Variants in GPM6A observed in about 807,000 individuals in gnomAD.
The protein encoded by GPM6A is neuronal membrane glycoprotein M6-a.
A neutral mutation model predicts 32.1 loss-of-function variants in GPM6A; 7 were observed. The ratio of observed to expected loss-of-function variants is 0.22; its 90% CI spans 0.12 to 0.41. The LOEUF is 0.41. Ranked by LOEUF, GPM6A falls within the 10% of genes least tolerant of loss-of-function variation. The pLI is 1.00. For synonymous variants in GPM6A, 130 were observed against 123.4 expected (o/e 1.05, Z -0.35); for missense variants, 235 against 347.2 (o/e 0.68, Z 2.57).
chr4:175,639,451 C>T (rs1444413407), intron 6 of GPM6A, among the ~76,000 whole-genome samples: 1 of 152,132 alleles, frequency 6.6e-6, no homozygotes, highest in Non-Finnish European at 1.5e-5. Context: ...GACTACTCAT[C>T]CTCAAGGATA....
At chr4:175,985,494 T>G (rs1277730589) in intron 1 of GPM6A, among the ~76,000 whole-genome samples, 1 of 152,208 alleles carries the variant, frequency 6.6e-6, no homozygotes, top group Non-Finnish European at 1.5e-5. Flanking sequence ...TATAGACAAG[T>G]GCATTGTCTT....
intron 1 of GPM6A, among the ~76,000 whole-genome samples, chr4:175,905,040 G>GA (rs147802281): frequency 0.045 from 6,805 of 151,984 alleles, 194 homozygotes; most frequent in Non-Finnish European, 0.067. Context: ...GTCCTTCATA[G>GA]AAAAAAAGCA....
upstream of GPM6A, chr4:175,813,174 G>A: frequency 1.6e-6 from 1 of 626,082 alleles, no homozygotes; most frequent in Non-Finnish European, 2.0e-6. Flanking sequence ...TTTCCAATGA[G>A]AATCTCTTGA....
chr4:175,701,160 G>A (rs1744854367), intron 2 of GPM6A, among the ~76,000 whole-genome samples: 1 of 152,154 alleles, frequency 6.6e-6, no homozygotes, highest in Admixed American at 6.6e-5. Flanking sequence ...ACCCAGGGCT[G>A]AGTTTATTTC....
chr4:175,800,483 C>T (rs1474479811), intron 1 of GPM6A, among the ~76,000 whole-genome samples: 4 of 152,138 alleles, frequency 2.6e-5, no homozygotes, highest in Non-Finnish European at 2.9e-5. Context: ...ATAGTAAGAT[C>T]GGGCGCATCA....
intron 4 of GPM6A, among the ~76,000 whole-genome samples, chr4:175,647,979 TC>T (rs1271523765): frequency 1.3e-5 from 2 of 152,132 alleles, no homozygotes; most frequent in African/African-American, 4.8e-5. Context: ...TTCTTTCAAA[TC>T]CATAAAAGAA....
chr4:175,758,902 G>A (rs939525632), intron 1 of GPM6A, among the ~76,000 whole-genome samples: 2 of 152,156 alleles, frequency 1.3e-5, no homozygotes, highest in African/African-American at 4.8e-5. Context: ...GCTAATTTAT[G>A]CAAGGCAGAC....
In GPM6A at chr4:175,753,388, C is replaced by T. The variant is rs891214585; in HGVS notation, c.38-51621G>A. ...CACATATGTATAGAGAAAGCATAGGCATATTATTAACTTAGATTGCAAATA... is the reference window on the plus strand; with the variant it reads ...CACATATGTATAGAGAAAGCATAGGTATATTATTAACTTAGATTGCAAATA... On this transcript the variant is annotated intron_variant, in intron 1 of 6. Coordinates refer to ENST00000393658, the MANE Select transcript of GPM6A (RefSeq NM_201591.3). Among the ~76,000 whole-genome samples the T allele has an allele frequency of 1.3e-5, 2 of 152,114 alleles. 1 individual carries two copies.
At chr4:175,957,941 G>T (rs921541170) in intron 1 of GPM6A, among the ~76,000 whole-genome samples, 2 of 152,136 alleles carry the variant, frequency 1.3e-5, no homozygotes, top group African/African-American at 4.8e-5. Context: ...CACCCAGGCT[G>T]GAGTGCAATG....
At chr4:175,661,055 A>G (rs1742380573) in intron 3 of GPM6A, among the ~76,000 whole-genome samples, 1 of 152,234 alleles carries the variant, frequency 6.6e-6, no homozygotes. Flanking sequence ...CAATCAGTAT[A>G]TACTTGGTGT....
chr4:175,757,258 C>G (rs1274082720), intron 1 of GPM6A, among the ~76,000 whole-genome samples: 1 of 152,044 alleles, frequency 6.6e-6, no homozygotes, highest in Non-Finnish European at 1.5e-5. Flanking sequence ...AAACTGAGGA[C>G]TCCCCCTGAG....
intron 1 of GPM6A, among the ~76,000 whole-genome samples, chr4:175,972,674 C>T (rs983152574): frequency 1.3e-5 from 2 of 152,124 alleles, no homozygotes; most frequent in African/African-American, 4.8e-5. Flanking sequence ...TAAAATATCA[C>T]ATTACCTTTG....
chr4:175,814,093 C>T (rs1171076581), upstream of GPM6A, among the ~76,000 whole-genome samples: 1 of 152,218 alleles, frequency 6.6e-6, no homozygotes, highest in South Asian at 2.1e-4. Flanking sequence ...AACGGAGCAA[C>T]GCTCCTCATT....
At chr4:175,967,081 G>A in intron 1 of GPM6A, among the ~76,000 whole-genome samples, 1 of 152,068 alleles carries the variant, frequency 6.6e-6, no homozygotes, top group East Asian at 1.9e-4. Flanking sequence ...ATCCAACAAT[G>A]TATAAAAAGA....
chr4:175,926,521 G>A (rs1261641638), intron 1 of GPM6A, among the ~76,000 whole-genome samples: 3 of 152,096 alleles, frequency 2.0e-5, no homozygotes, highest in Admixed American at 6.6e-5. Flanking sequence ...ATTACATGGT[G>A]TTGAAATTTG....
At chr4:175,640,048 T>C (rs978637412) in intron 6 of GPM6A, 81 bp downstream of exon 6, 55 of 1,120,668 alleles carry the variant, frequency 4.9e-5, no homozygotes, top group Non-Finnish European at 7.1e-5. Flanking sequence ...CTTCAAACTT[T>C]AGAGATAGTT....
intron 1 of GPM6A, among the ~76,000 whole-genome samples, chr4:175,868,277 T>C (rs1736801719): frequency 6.6e-6 from 1 of 152,214 alleles, no homozygotes. Context: ...TATTTGTTGT[T>C]AGGAAGTAAT....
chr4:175,720,083 A>G (rs1746035341), intron 1 of GPM6A, among the ~76,000 whole-genome samples: 1 of 152,236 alleles, frequency 6.6e-6, no homozygotes. Flanking sequence ...TGACCAATTT[A>G]TCCCATTGCC....
chr4:175,845,697 T>C (rs10003050), intron 1 of GPM6A, among the ~76,000 whole-genome samples: 2,575 of 152,188 alleles, frequency 0.017, 57 homozygotes, highest in South Asian at 0.094. Flanking sequence ...GCTTTCTATT[T>C]TCACAATTTC....
Sources: allele counts gnomAD v4.1 joint callset (sites outside exome capture counted in the v4.1 genomes callset), GRCh38; gene constraint gnomAD v4.1.1; transcripts MANE v1.5; gene names NCBI Gene and HGNC (gene_info 2026-07-23, HGNC 2026-07-21).